NUCKS1: variants seen among roughly 807,000 people sequenced by gnomAD.
NUCKS1 encodes the protein nuclear casein kinase and cyclin dependent kinase substrate 1.
NUCKS1 carries 2 observed loss-of-function variants against 33.0 expected under a neutral mutation model. The observed-to-expected ratio is 0.06, with a 90% CI of 0.02 to 0.19. The LOEUF is 0.19. Ranked by LOEUF, NUCKS1 falls within the 10% of genes least tolerant of loss-of-function variation. The probability of loss-of-function intolerance (pLI) is 1.00; values close to 1 mark genes in which losing one functional copy is unlikely to be tolerated. For missense variants in NUCKS1, 201 were observed against 293.6 expected, an observed-to-expected ratio of 0.68 and a Z score of 2.31; for synonymous variants, 106 against 102.8, an observed-to-expected ratio of 1.03 and a Z score of -0.19.
intron 1 of NUCKS1, among the ~76,000 whole-genome samples, chr1:205,742,681 C>T (rs1040585813): frequency 6.6e-6 from 1 of 152,022 alleles, no homozygotes; most frequent in African/African-American, 2.4e-5. Context: ...AAAAATTAGC[C>T]GGGCGTGGTG....
intron 1 of NUCKS1, among the ~76,000 whole-genome samples, chr1:205,743,412 G>A (rs532036136): frequency 5.9e-5 from 9 of 152,258 alleles, no homozygotes; most frequent in African/African-American, 2.2e-4. Context: ...GTTGTGCCAG[G>A]ATTATCTCTC....
At chr1:205,728,320 A>G (rs990495292) in intron 2 of NUCKS1, among the ~76,000 whole-genome samples, 1 of 150,094 alleles carries the variant, frequency 6.7e-6, no homozygotes, top group African/African-American at 2.5e-5. Flanking sequence ...ATTTGCACAC[A>G]CACACATGCA....
At chr1:205,741,286 C>T (rs1186839417) in intron 1 of NUCKS1, among the ~76,000 whole-genome samples, 5 of 104,588 alleles carry the variant, frequency 4.8e-5, no homozygotes, top group East Asian at 5.3e-4. Flanking sequence ...GGCGACAGAG[C>T]GAGACTGTCT....
At chr1:205,743,260 A>T (rs1654226313) in intron 1 of NUCKS1, among the ~76,000 whole-genome samples, 1 of 152,188 alleles carries the variant, frequency 6.6e-6, no homozygotes, top group African/African-American at 2.4e-5. Context: ...TTTGGGCTGG[A>T]GGAAGCCAGT....
intron 3 of NUCKS1, among the ~76,000 whole-genome samples, chr1:205,724,608 C>G (rs940992063): frequency 1.3e-5 from 2 of 152,086 alleles, no homozygotes; most frequent in African/African-American, 4.8e-5. Context: ...AGAGGAGAAT[C>G]ACTTGAACCC....
At position 205,735,318 on chromosome 1, in the gene NUCKS1, G is replaced by C. The variant is rs192844933; in HGVS notation, c.18-5697C>G. 3.9e-5 allele frequency among the ~76,000 whole-genome samples: 6 copies of C among 152,236 alleles called. No homozygotes were observed. In the East Asian group the frequency reaches 1.2e-3, roughly 29 times the overall value. On this transcript the variant is annotated intron_variant, in intron 1 of 6. Coordinates refer to ENST00000367142, the MANE Select transcript of NUCKS1 (RefSeq NM_022731.5). The stretch of plus-strand genomic sequence containing the variant: ...TTCAGTACAGTAACATGCTATACAT[G>C]TTTGTAGTCTAGGAGCAATAGGCTA...
intron 1 of NUCKS1, among the ~76,000 whole-genome samples, chr1:205,744,144 G>GT (rs1391604009): frequency 6.6e-6 from 1 of 152,132 alleles, no homozygotes; most frequent in East Asian, 1.9e-4. Flanking sequence ...ATTATGAACT[G>GT]TAACTTGCTC....
chr1:205,721,277 A>T (rs368311324), intron 4 of NUCKS1, among the ~76,000 whole-genome samples: 95 of 143,232 alleles, frequency 6.6e-4, no homozygotes, highest in African/African-American at 2.4e-3. Context: ...CCCACAACAT[A>T]AAAAAAAAAA....
intron 1 of NUCKS1, among the ~76,000 whole-genome samples, chr1:205,744,634 T>TTTTTTTTG (rs1382329989): frequency 1.1e-4 from 15 of 135,596 alleles, no homozygotes; most frequent in African/African-American, 4.2e-4. Flanking sequence ...ACTAGAGTTT[T>TTTTTTTTG]TTTTTTTTTT....
chr1:205,722,981 T>A (rs1002576375), intron 4 of NUCKS1, among the ~76,000 whole-genome samples: 2 of 152,230 alleles, frequency 1.3e-5, no homozygotes, highest in African/African-American at 4.8e-5. Flanking sequence ...GAGTTATTTA[T>A]CTAGAAGTGC....
chr1:205,714,140 T>G lies in NUCKS1; in HGVS notation c.*4140A>C, dbSNP rs1671786112. 1 of 152,044 alleles carries G rather than the reference T, an allele frequency of 6.6e-6. No homozygotes were observed. The highest frequency in any genetic ancestry group is 6.6e-5 in the Admixed American group (1 of 15,258). 9.4% of individuals were successfully genotyped at this position (152,044 alleles called of 1,614,324 possible). Reference sequence around the variant, plus strand: ...TCACTAAGTTCCAGAAGACAAAGCTTTAATTGCCAGATGTATACAAACACA... The same window carrying G: ...TCACTAAGTTCCAGAAGACAAAGCTGTAATTGCCAGATGTATACAAACACA... On this transcript the variant is annotated 3_prime_UTR_variant, in exon 7 of 7. Coordinates refer to ENST00000367142, the MANE Select transcript of NUCKS1 (RefSeq NM_022731.5).
intron 1 of NUCKS1, among the ~76,000 whole-genome samples, chr1:205,733,080 T>C (rs943705546): frequency 1.3e-5 from 2 of 152,188 alleles, no homozygotes; most frequent in Non-Finnish European, 2.9e-5. Context: ...TCTTATCCTC[T>C]AATAATTAAA....
chr1:205,729,089 C>T (rs1472304394), intron 2 of NUCKS1, among the ~76,000 whole-genome samples: 1 of 152,176 alleles, frequency 6.6e-6, no homozygotes, highest in Non-Finnish European at 1.5e-5. Flanking sequence ...TTGCCTCAGC[C>T]TCCAGAGTAG....
chr1:205,738,218 G>A (rs1654075346), intron 1 of NUCKS1, among the ~76,000 whole-genome samples: 1 of 152,058 alleles, frequency 6.6e-6, no homozygotes, highest in African/African-American at 2.4e-5. Context: ...AGTAGAGACA[G>A]GGTTCCATCA....
At chr1:205,725,966 C>A (rs1178265075) in intron 3 of NUCKS1, among the ~76,000 whole-genome samples, 1 of 151,996 alleles carries the variant, frequency 6.6e-6, no homozygotes, top group Non-Finnish European at 1.5e-5. Flanking sequence ...TTTGGGAGGC[C>A]GAGGTGGGCT....
At chr1:205,741,170 G>T (rs1214620817) in intron 1 of NUCKS1, among the ~76,000 whole-genome samples, 1 of 146,652 alleles carries the variant, frequency 6.8e-6, no homozygotes, top group Non-Finnish European at 1.5e-5. Context: ...CGTGGTGGCG[G>T]GCGCCTGTAG....
At position 205,718,085 on chromosome 1, in the gene NUCKS1, TAAA is replaced by T. The variant is rs78311899; in HGVS notation, c.*192_*194del. 1.6e-3 allele frequency: 1,631 copies of T among 1,014,800 alleles called. No homozygotes were observed. The highest frequency in any genetic ancestry group is 3.7e-3 in the East Asian group (56 of 14,964). 62.9% of individuals were successfully genotyped at this position (1,014,800 alleles called of 1,614,324 possible). On this transcript the variant is annotated 3_prime_UTR_variant, in exon 7 of 7. Transcript: ENST00000367142. Reference sequence around the variant, plus strand: ...CACTTACACATACAATGGTTTGCTTTAAAAAAAAAAAAAAAAAAAGAGAGAGAG... The same window carrying T: ...CACTTACACATACAATGGTTTGCTTTAAAAAAAAAAAAAAAAGAGAGAGAG...
At chr1:205,748,690 G>C (rs1654392419) in intron 1 of NUCKS1, among the ~76,000 whole-genome samples, 1 of 152,120 alleles carries the variant, frequency 6.6e-6, no homozygotes, top group Admixed American at 6.5e-5. Context: ...GAGACAGAAC[G>C]GTGTAGAACA....
At chr1:205,723,263 T>C (rs1309700824) in intron 4 of NUCKS1, among the ~76,000 whole-genome samples, 1 of 152,198 alleles carries the variant, frequency 6.6e-6, no homozygotes, top group Non-Finnish European at 1.5e-5. Flanking sequence ...CAAGGGAATG[T>C]AGGTCAAAAC....
Sources: allele counts gnomAD v4.1 joint callset (sites outside exome capture counted in the v4.1 genomes callset), GRCh38; gene constraint gnomAD v4.1.1; transcripts MANE v1.5; gene names NCBI Gene and HGNC (gene_info 2026-07-23, HGNC 2026-07-21).